The following TRIM38 variants were observed in gnomAD, a reference collection of about 807,000 sequenced individuals.
The protein encoded by TRIM38 is tripartite motif containing 38.
In TRIM38, 35 loss-of-function variants were observed where a neutral mutation model predicts 35.8. The ratio of observed to expected loss-of-function variants is 0.98; its 90% confidence interval spans 0.75 to 1.30. TRIM38 has a LOEUF of 1.30. Among genes scored for constraint, TRIM38 ranks in the 50% most tolerant of loss-of-function variants. TRIM38 has a pLI of 0.00. For missense variants in TRIM38, 545 were observed against 556.9 expected (o/e 0.98, Z 0.21); for synonymous variants, 198 against 204.7 (o/e 0.97, Z 0.28).
chr6:25,973,423 C>A, intron 7 of TRIM38, 138 bp downstream of exon 7: 1 of 1,451,206 alleles, frequency 6.9e-7, no homozygotes. Context: ...CATACTTTCT[C>A]TAGTTAGTAT....
intron 4 of TRIM38, 135 bp downstream of exon 4, chr6:25,969,555 C>A: frequency 1.5e-6 from 1 of 663,570 alleles, no homozygotes; most frequent in Non-Finnish European, 2.4e-6. Flanking sequence ...AGGAAGAAAC[C>A]ATTATTTGTA....
rs35178475 is a variant in TRIM38, at chr6:25,964,815, C to CTTT, written c.-188-1508_-188-1506dup. On this transcript the variant is annotated intron_variant, in intron 2 of 7. Coordinates refer to ENST00000357085, the MANE Select transcript of TRIM38 (RefSeq NM_006355.5). The stretch of plus-strand genomic sequence containing the variant: ...AAGAGTAATTCTGGTACCAATTATT[C>CTTT]TTTTTTTTTTTTTTAAGACAGATTC... Among the ~76,000 whole-genome samples, 59 of 145,616 alleles carry CTTT rather than the reference C, an allele frequency of 4.1e-4. No homozygotes were observed. The South Asian group carries it at 5.9e-3, about 14-fold the overall frequency.
chr6:25,965,257 T>C (rs142761988), intron 2 of TRIM38, among the ~76,000 whole-genome samples: 57 of 152,324 alleles, frequency 3.7e-4, no homozygotes, highest in Non-Finnish European at 7.5e-4. Context: ...CAGAATGTTG[T>C]ATATTGAGGC....
intron 7 of TRIM38, among the ~76,000 whole-genome samples, chr6:25,974,581 T>C (rs1760336344): frequency 6.6e-6 from 1 of 152,226 alleles, no homozygotes; most frequent in Admixed American, 6.5e-5. Flanking sequence ...CCCTTGAGTC[T>C]GTCTTCCACA....
rs367931140 is a variant in TRIM38, at chr6:25,989,975, A to G, written c.*6288A>G. On this transcript the variant is annotated 3_prime_UTR_variant, in exon 8 of 8. Transcript: ENST00000357085. ...GATCAAATTCACTATGTATTTGCAG[A>G]AAATGGCTTTCAATATTGTCTACTT... The G allele has an allele frequency of 5.9e-5, 9 of 151,922 alleles. No individual in the cohort carries two copies. Among genetic ancestry groups the G allele is most frequent in the Non-Finnish European group, 1.2e-4 (8 of 67,982 alleles). 9.4% of individuals were successfully genotyped at this position (151,922 alleles called of 1,614,324 possible).
intron 7 of TRIM38, among the ~76,000 whole-genome samples, chr6:25,977,668 A>C (rs1239464840): frequency 6.7e-6 from 1 of 149,734 alleles, no homozygotes; most frequent in Admixed American, 6.7e-5. Context: ...CTCCATCTCA[A>C]AAAAAAAAAG....
Position 25,983,153 on chromosome 6 carries a change from T to C in TRIM38, c.875-11T>C, listed in dbSNP as rs548728196. The C allele has an allele frequency of 1.4e-4, 213 of 1,546,048 alleles. 5 individuals carry two copies. The South Asian group carries it at 2.5e-3, about 18-fold the overall frequency. On this transcript the variant is annotated splice_polypyrimidine_tract_variant and intron_variant, in intron 7 of 7. Coordinates refer to ENST00000357085, the MANE Select transcript of TRIM38 (RefSeq NM_006355.5). ...CAAAATTATTTTTGTTTGTTTTGTT[T>C]TGTTTTGCAGTTAGTGTGACTCTGG...
At chr6:25,975,999 C>T (rs553886041) in intron 7 of TRIM38, among the ~76,000 whole-genome samples, 6 of 152,304 alleles carry the variant, frequency 3.9e-5, no homozygotes, top group East Asian at 1.9e-4. Context: ...GTAACATACA[C>T]TCCTACCAGC....
intron 7 of TRIM38, among the ~76,000 whole-genome samples, chr6:25,978,966 C>G (rs879460078): frequency 2.0e-5 from 3 of 152,040 alleles, no homozygotes; most frequent in African/African-American, 7.3e-5. Flanking sequence ...CTGTGCCTGG[C>G]CTGATTATTG....
intron 7 of TRIM38, chr6:25,975,091 G>A (rs1422939160): frequency 2.6e-5 from 24 of 930,350 alleles, no homozygotes; most frequent in Non-Finnish European, 3.1e-5. Flanking sequence ...GGAGTGCAGT[G>A]GTGCGATCTC....
chr6:25,973,102 G>C lies in TRIM38; in HGVS notation c.761+26G>C, dbSNP rs539059525. On this transcript the variant is annotated intron_variant, in intron 6 of 7. Coordinates refer to ENST00000357085, the MANE Select transcript of TRIM38 (RefSeq NM_006355.5). ...GTAAGTCCTGTTTGAATGCAGGAGG[G>C]GAGGGGTGTGCGTATATAGAAATGA... is the stretch of plus-strand genomic sequence containing the variant. 5.0e-6 allele frequency: 8 copies of C among 1,614,134 alleles called. No individual in the cohort carries two copies. In the Admixed American group the frequency reaches 1.2e-4, roughly 24 times the overall value.
intron 7 of TRIM38, among the ~76,000 whole-genome samples, chr6:25,978,179 C>T (rs187611714): frequency 6.6e-6 from 1 of 152,142 alleles, no homozygotes; most frequent in Non-Finnish European, 1.5e-5. Context: ...CTCCCTCTGT[C>T]TCCCAGGCTG....
At position 25,973,235 on chromosome 6, in the gene TRIM38, A is replaced by G. The variant is rs1291851070; in HGVS notation, c.824A>G (p.Asn275Ser). ...TCCTTGGAACTTCATACTATGTGCA[A>G]TGTTTCCAAGCTTTACTTCGATGTG... ...AVSLELHTMCNVSKLYFDVKK... is the reference protein window; with the variant it reads ...AVSLELHTMCSVSKLYFDVKK... Residue 275 changes from asparagine (N) to serine (S), a missense_variant, in exon 7 of 8, where the codon AAT (asparagine) becomes AGT (serine). Asn to Ser is a conservative substitution (Grantham distance 46). Transcript: ENST00000357085. 1 of 1,614,136 alleles carries G rather than the reference A, an allele frequency of 6.2e-7. No individual in the cohort carries two copies. The highest frequency in any genetic ancestry group is 8.5e-7 in the Non-Finnish European group (1 of 1,180,018).
At chr6:25,978,253 A>G (rs1760452824) in intron 7 of TRIM38, among the ~76,000 whole-genome samples, 1 of 151,968 alleles carries the variant, frequency 6.6e-6, no homozygotes, top group African/African-American at 2.4e-5. Context: ...CTCTCATTTC[A>G]GCCTCCCCAG....
intron 7 of TRIM38, among the ~76,000 whole-genome samples, chr6:25,974,622 A>G (rs547258611): frequency 2.0e-5 from 3 of 152,320 alleles, no homozygotes; most frequent in East Asian, 3.9e-4. Flanking sequence ...CTGAGATGAG[A>G]CTATTTAAAA....
At chr6:25,969,256 G>T in intron 3 of TRIM38, 69 bp from the exon 4 acceptor site, 1 of 1,113,926 alleles carries the variant, frequency 9.0e-7, no homozygotes, top group Non-Finnish European at 1.3e-6. Context: ...TTAGAAGATT[G>T]GGATTCCCCC....
intron 7 of TRIM38, among the ~76,000 whole-genome samples, chr6:25,981,867 A>G (rs1483910632): frequency 6.6e-6 from 1 of 152,218 alleles, no homozygotes; most frequent in Non-Finnish European, 1.5e-5. Context: ...TGGGAGAAGA[A>G]CTTTGGACAG....
rs375143343 is a variant in TRIM38, at chr6:25,983,236, G to T, written c.947G>T (p.Arg316Leu). The T allele has an allele frequency of 9.9e-6, 16 of 1,614,122 alleles. No individual in the cohort carries two copies. The Admixed American group carries it at 2.5e-4, about 25-fold the overall frequency. Residue 316 changes from arginine to leucine, a missense_variant, in exon 8 of 8, where the codon CGT becomes CTT. Physicochemically the swap from Arg to Leu is moderately radical, Grantham distance 102 (BLOSUM62 -2). Transcript: ENST00000357085. ...ILSEDRRQVT[R>L]GYTQENQDTS... ...TCTGAGGATCGGAGACAAGTGACTCGTGGATACACCCAGGAGAATCAGGAC... is the reference window on the plus strand; with the variant it reads ...TCTGAGGATCGGAGACAAGTGACTCTTGGATACACCCAGGAGAATCAGGAC...
Position 25,973,271 on chromosome 6 carries a change from T to G in TRIM38, c.860T>G (p.Leu287Ter). 6.2e-7 allele frequency: 1 copy of G among 1,613,636 alleles called. No individual in the cohort carries two copies. The highest frequency in any genetic ancestry group is 8.5e-7 in the Non-Finnish European group (1 of 1,179,994). The change falls in exon 7 of 8, where the codon TTA (leucine) becomes TGA (stop). Residue 287 changes from leucine (L) to a stop codon, truncating the protein, a stop_gained. Transcript: ENST00000357085. LOFTEE classifies it low-confidence loss of function (END_TRUNC). Reference protein sequence around the residue: ...SKLYFDVKKMLRSHQVSVTLD... With the variant: ...SKLYFDVKKM ...CTTTACTTCGATGTGAAGAAAATGT[T>G]AAGGAGTCATCAAGGTATGTTCACT... is the stretch of plus-strand genomic sequence containing the variant.
Sources: gnomAD v4.1 joint callset for allele counts (sites outside exome capture counted in the v4.1 genomes callset) on GRCh38, gnomAD v4.1.1 for gene constraint, MANE v1.5 for transcripts, NCBI Gene and HGNC (gene_info 2026-07-23, HGNC 2026-07-21) for gene names.